The following AGAP1 variants were observed in gnomAD, a reference collection of about 807,000 sequenced individuals.
AGAP1 encodes arf-GAP with GTPase, ANK repeat and PH domain-containing protein 1.
A neutral mutation model predicts 105.3 loss-of-function variants in AGAP1; 29 were observed. That is an observed-to-expected ratio of 0.28 (90% CI 0.21 to 0.38). The LOEUF is 0.38. Among genes scored for constraint, AGAP1 ranks in the 10% least tolerant of loss-of-function variants. The pLI, the probability that AGAP1 is intolerant of heterozygous loss-of-function variation, is 1.00. For synonymous variants in AGAP1, 509 were observed against 485.9 expected, an observed-to-expected ratio of 1.05 and a Z score of -0.63; for missense variants, 998 against 1,165.1, an observed-to-expected ratio of 0.86 and a Z score of 2.09.
chr2:235,765,713 C>T (rs567557642), intron 6 of AGAP1, among the ~76,000 whole-genome samples: 4 of 152,290 alleles, frequency 2.6e-5, no homozygotes, highest in Non-Finnish European at 4.4e-5. Flanking sequence ...AGCCATAGTT[C>T]AGAGTGAATC....
chr2:235,819,937 C>G (rs1404391090), intron 9 of AGAP1, among the ~76,000 whole-genome samples: 4 of 104,928 alleles, frequency 3.8e-5, no homozygotes, highest in Non-Finnish European at 7.6e-5. Context: ...GAGTTTTGCT[C>G]TTGTTGCCCA....
chr2:235,972,583 C>T (rs777443763), intron 13 of AGAP1, among the ~76,000 whole-genome samples: 14 of 152,158 alleles, frequency 9.2e-5, no homozygotes, highest in African/African-American at 3.1e-4. Context: ...GAGACCTGTC[C>T]GGCTGTGGTG....
intron 16 of AGAP1, among the ~76,000 whole-genome samples, chr2:236,074,977 C>T (rs1271705645): frequency 1.3e-5 from 2 of 152,086 alleles, no homozygotes; most frequent in Admixed American, 1.3e-4. Flanking sequence ...GGTTTGAGCC[C>T]GAGAGGTGGA....
chr2:235,693,924 T>C lies in AGAP1; in HGVS notation c.164-15255T>C, dbSNP rs1259004447. Among the ~76,000 whole-genome samples the C allele has an allele frequency of 5.9e-5, 9 of 152,214 alleles. No homozygotes were observed. In the East Asian group the frequency reaches 1.7e-3, roughly 29 times the overall value. On this transcript the variant is annotated intron_variant, in intron 1 of 17. Transcript: ENST00000304032. ...AAAAACATGGCAGTTTCAATGTCTG[T>C]TAATGTTGCAAAGCATACCAGGAAC...
intron 1 of AGAP1, among the ~76,000 whole-genome samples, chr2:235,666,589 TATG>T (rs1485472389): frequency 1.3e-5 from 2 of 151,622 alleles, no homozygotes; most frequent in Non-Finnish European, 2.9e-5. Context: ...ACACACTGGC[TATG>T]GCTGGAAGAG....
Position 235,718,469 on chromosome 2 carries a change from G to A in AGAP1, c.310+825G>A, listed in dbSNP as rs904827135. On this transcript the variant is annotated intron_variant, in intron 3 of 17. Transcript: ENST00000304032. Reference sequence around the variant, plus strand: ...GAAAGGCACCACTTTGTACTGTAGCGTTCCCTTCCCTCCTTGTTCTGTGTA... The same window carrying A: ...GAAAGGCACCACTTTGTACTGTAGCATTCCCTTCCCTCCTTGTTCTGTGTA... 25 of 874,496 alleles carry A rather than the reference G, an allele frequency of 2.9e-5. No homozygotes were observed. The South Asian group carries it at 3.2e-4, about 11-fold the overall frequency. 54.2% of individuals were successfully genotyped at this position (874,496 alleles called of 1,614,324 possible).
At chr2:235,652,647 T>G (rs1254317610) in intron 1 of AGAP1, among the ~76,000 whole-genome samples, 1 of 152,052 alleles carries the variant, frequency 6.6e-6, no homozygotes, top group Admixed American at 6.6e-5. Context: ...ATCCCAGAAC[T>G]TTGGGAGGCC....
chr2:235,970,206 TAAAAAAAAAAA>T lies in AGAP1; in HGVS notation c.1645+1595_1645+1605del, dbSNP rs35825564. The stretch of plus-strand genomic sequence containing the variant: ...GGGCGACAGAGTGAGACTCTGTCTT[TAAAAAAAAAAA>T]AAAAAAAAAAAGACGATTTTTCTCA... On this transcript the variant is annotated intron_variant, in intron 13 of 17. Coordinates refer to ENST00000304032, the MANE Select transcript of AGAP1 (RefSeq NM_001037131.3). This position sits in a 1 kb window ranked among gnomAD's most constrained non-coding sequence, Gnocchi z 5.4. 5.9e-5 allele frequency among the ~76,000 whole-genome samples: 7 copies of T among 117,904 alleles called. No individual in the cohort carries two copies. Among genetic ancestry groups the T allele is most frequent in the African/African-American group, 2.3e-4 (7 of 30,614 alleles). 77.3% of individuals were successfully genotyped at this position (117,904 alleles called of 152,430 possible).
At chr2:235,637,244 T>C (rs905173303) in intron 1 of AGAP1, among the ~76,000 whole-genome samples, 3 of 152,114 alleles carry the variant, frequency 2.0e-5, no homozygotes, top group African/African-American at 7.2e-5. Flanking sequence ...AGTGACAGTT[T>C]GCCCAGCACC....
At chr2:235,768,047 A>T (rs1393649823) in intron 6 of AGAP1, among the ~76,000 whole-genome samples, 1 of 151,890 alleles carries the variant, frequency 6.6e-6, no homozygotes, top group Admixed American at 6.6e-5. Context: ...TCTGCCTCCC[A>T]CCGTGCTAGA....
chr2:235,637,416 G>A (rs926686772), intron 1 of AGAP1, among the ~76,000 whole-genome samples: 4 of 151,976 alleles, frequency 2.6e-5, no homozygotes, highest in African/African-American at 9.7e-5. Flanking sequence ...AGGACCACAG[G>A]TGCATGCCAC....
chr2:235,505,322 AAAGGCCAGTGCTAAAC>A (rs1332837367), intron 1 of AGAP1, among the ~76,000 whole-genome samples: 1 of 152,212 alleles, frequency 6.6e-6, no homozygotes, highest in Non-Finnish European at 1.5e-5. Flanking sequence ...CCCCCTCCAC[AAAGGCCAGTGCTAAAC>A]AAGGCCAGAG....
intron 6 of AGAP1, among the ~76,000 whole-genome samples, chr2:235,790,317 C>T (rs1300526897): frequency 2.6e-5 from 4 of 152,068 alleles, no homozygotes; most frequent in Non-Finnish European, 5.9e-5. Flanking sequence ...ATTCTGTGTG[C>T]TGCCAAAATA....
rs988673141 is a variant in AGAP1 at position 235,550,787 on chromosome 2, T to A, written c.163+55938T>A. 2.0e-5 allele frequency among the ~76,000 whole-genome samples: 3 copies of A among 152,190 alleles called. No homozygotes were observed. Among genetic ancestry groups the A allele is most frequent in the African/African-American group, 7.2e-5 (3 of 41,450 alleles). On this transcript the variant is annotated intron_variant, in intron 1 of 17. Transcript: ENST00000304032. This position sits in a 1 kb window ranked among gnomAD's most constrained non-coding sequence, Gnocchi z 4.6. Reference sequence around the variant, plus strand: ...AGTGTTTATTTATTTTTATCTTATTTTTTTTGAGATAGAGTCTCACTCTGT... The same window carrying A: ...AGTGTTTATTTATTTTTATCTTATTATTTTTGAGATAGAGTCTCACTCTGT...
At chr2:235,868,549 C>T (rs1236620680) in intron 9 of AGAP1, among the ~76,000 whole-genome samples, 2 of 152,138 alleles carry the variant, frequency 1.3e-5, no homozygotes, top group East Asian at 1.9e-4. Flanking sequence ...CTCTGTGTAA[C>T]GATGATCCCT....
At chr2:235,833,095 C>T (rs746643073) in intron 9 of AGAP1, among the ~76,000 whole-genome samples, 1 of 152,166 alleles carries the variant, frequency 6.6e-6, no homozygotes. Context: ...AGAGACAAGC[C>T]GGAGAGCAGC....
chr2:235,702,835 G>A (rs1169478817), intron 1 of AGAP1, among the ~76,000 whole-genome samples: 1 of 151,502 alleles, frequency 6.6e-6, no homozygotes, highest in Non-Finnish European at 1.5e-5. Context: ...TGGTTTGATG[G>A]AATATAAATT....
rs555572828 is a variant in AGAP1, at chr2:235,642,084, G to T, written c.164-67095G>T. On this transcript the variant is annotated intron_variant, in intron 1 of 17. Coordinates refer to ENST00000304032, the MANE Select transcript of AGAP1 (RefSeq NM_001037131.3). This position sits in a 1 kb window ranked among gnomAD's most constrained non-coding sequence, Gnocchi z 4.1. ...CGTAGTAGATTCTCAGGTCCCAGGG[G>T]TGCACATGCCTGTGTTTTTACCTTA... Among the ~76,000 whole-genome samples, 70 of 152,328 alleles carry T rather than the reference G, an allele frequency of 4.6e-4. No homozygotes were observed. The highest frequency in any genetic ancestry group is 1.6e-3 in the African/African-American group (68 of 41,566).
At chr2:236,025,388 C>T (rs150182757) in intron 13 of AGAP1, among the ~76,000 whole-genome samples, 63 of 152,146 alleles carry the variant, frequency 4.1e-4, no homozygotes, top group African/African-American at 1.3e-3. Context: ...ATGTCATCAC[C>T]GTGTCACTTC....
Sources: allele counts gnomAD v4.1 joint callset (sites outside exome capture counted in the v4.1 genomes callset), GRCh38; gene constraint gnomAD v4.1.1; non-coding constraint Gnocchi (gnomAD v3.1); transcripts MANE v1.5; gene names NCBI Gene and HGNC (gene_info 2026-07-23, HGNC 2026-07-21).